Variants in NCAM1 observed in about 807,000 individuals in gnomAD.
The protein encoded by NCAM1 is antigen recognized by monoclonal antibody 5.1H11.
NCAM1 carries 14 observed loss-of-function variants against 109.8 expected under a neutral mutation model. That is an observed-to-expected ratio of 0.13 (90% CI 0.08 to 0.20). The LOEUF is 0.20. Among genes scored for constraint, NCAM1 ranks in the 10% least tolerant of loss-of-function variants. The pLI is 1.00. For synonymous variants in NCAM1, 418 were observed against 442.9 expected (o/e 0.94, Z 0.70); for missense variants, 774 against 1,109.9 (o/e 0.70, Z 4.30).
At chr11:113,220,599 TC>T in intron 8 of NCAM1, among the ~76,000 whole-genome samples, 4 of 130,250 alleles carry the variant, frequency 3.1e-5, no homozygotes, top group African/African-American at 1.3e-4. Context: ...TCTCTCTCTC[TC>T]TCTTTTTTTT....
intron 1 of NCAM1, among the ~76,000 whole-genome samples, chr11:113,191,030 C>T (rs1304878538): frequency 2.0e-5 from 3 of 152,148 alleles, no homozygotes; most frequent in South Asian, 2.1e-4. Flanking sequence ...TTATTATCAA[C>T]GTTTTAATAA....
intron 1 of NCAM1, among the ~76,000 whole-genome samples, chr11:113,000,105 C>T (rs539975809): frequency 1.3e-5 from 2 of 152,172 alleles, no homozygotes; most frequent in Non-Finnish European, 2.9e-5. Flanking sequence ...TTAGCTATGA[C>T]CTCATATATT....
chr11:113,171,633 CAATAAATAAATAAATAAATAAATA>C (rs58639337), intron 1 of NCAM1, among the ~76,000 whole-genome samples: 3 of 149,498 alleles, frequency 2.0e-5, no homozygotes, highest in African/African-American at 2.5e-5. Context: ...GACTTTGTCT[CAATAAATAAATAAATAAATAAATA>C]AATAAATAAA....
At chr11:112,971,390 G>T (rs892319384) in intron 1 of NCAM1, among the ~76,000 whole-genome samples, 1 of 152,044 alleles carries the variant, frequency 6.6e-6, no homozygotes, top group Non-Finnish European at 1.5e-5. Context: ...GAAGCAGTCT[G>T]TAGTGGAGTA....
chr11:113,209,047 T>C lies in NCAM1; in HGVS notation c.916+1045T>C, dbSNP rs188973928. Among the ~76,000 whole-genome samples, 375 of 152,318 alleles carry C rather than the reference T, an allele frequency of 2.5e-3. 10 individuals carry two copies. The highest frequency in any genetic ancestry group is 0.022 in the South Asian group (107 of 4,822). On this transcript the variant is annotated intron_variant, in intron 7 of 19. Coordinates refer to ENST00000316851, the MANE Select transcript of NCAM1 (RefSeq NM_181351.5). ...TTTGACCTGATCTTGAAAAAAGAAT[T>C]GGTTGCAGAGAAACGTTTAACCTAA...
At chr11:113,237,953 T>TATAG (rs1555118630) in intron 14 of NCAM1, among the ~76,000 whole-genome samples, 4 of 90,650 alleles carry the variant, frequency 4.4e-5, no homozygotes, top group Admixed American at 1.1e-4. Context: ...TATATAGATA[T>TATAG]ATAGATAGAT....
At chr11:113,183,232 A>G (rs1943387628) in intron 1 of NCAM1, among the ~76,000 whole-genome samples, 2 of 151,974 alleles carry the variant, frequency 1.3e-5, no homozygotes, top group Non-Finnish European at 2.9e-5. Context: ...TTTTATACTA[A>G]TTCTACAGCT....
At chr11:113,139,015 C>T (rs922254619) in intron 1 of NCAM1, among the ~76,000 whole-genome samples, 9 of 152,210 alleles carry the variant, frequency 5.9e-5, no homozygotes, top group Non-Finnish European at 7.3e-5. Flanking sequence ...TTTGACAGCA[C>T]TTCACCATTG....
At chr11:113,074,758 A>C (rs573694105) in intron 1 of NCAM1, among the ~76,000 whole-genome samples, 1 of 152,014 alleles carries the variant, frequency 6.6e-6, no homozygotes, top group African/African-American at 2.4e-5. Flanking sequence ...CAGCCCCCCA[A>C]ATAGCTGGGA....
intron 1 of NCAM1, among the ~76,000 whole-genome samples, chr11:113,157,382 C>T (rs1942453388): frequency 6.6e-6 from 1 of 152,146 alleles, no homozygotes; most frequent in South Asian, 2.1e-4. Flanking sequence ...ACCAAATAAA[C>T]AACAACTTTT....
In NCAM1 at chr11:113,055,978, GATATATATATATATATATATATAT is replaced by G. The variant is rs58693567; in HGVS notation, c.52+94338_52+94361del. Among the ~76,000 whole-genome samples the G allele has an allele frequency of 2.7e-3, 162 of 60,038 alleles. 3 individuals carry two copies. The Middle Eastern group carries it at 0.032, about 12-fold the overall frequency. The allele number at this position is 60,038 out of a possible 152,430, so 39.4% of individuals were successfully genotyped here. ...GTGGATGAATGGATAAAGAAAATGT[GATATATATATATATATATATATAT>G]ATATATATATATATATATATATAAA... On this transcript the variant is annotated intron_variant, in intron 1 of 19. Transcript: ENST00000316851.
chr11:113,272,474 C>T (rs1555125661), intron 19 of NCAM1, among the ~76,000 whole-genome samples: 1 of 152,132 alleles, frequency 6.6e-6, no homozygotes, highest in Admixed American at 6.5e-5. Context: ...CTGCCTTATT[C>T]GTGACTTTTC....
intron 1 of NCAM1, among the ~76,000 whole-genome samples, chr11:113,004,961 G>C (rs1272262982): frequency 1.3e-5 from 2 of 151,796 alleles, no homozygotes; most frequent in African/African-American, 4.8e-5. Flanking sequence ...TTAATTTGAA[G>C]GGATGTCTTT....
chr11:113,097,170 T>C (rs1295277382), intron 1 of NCAM1, among the ~76,000 whole-genome samples: 3 of 152,196 alleles, frequency 2.0e-5, no homozygotes, highest in Non-Finnish European at 2.9e-5. Context: ...CTTGGCTCAC[T>C]CTGATTCCAA....
chr11:112,987,576 G>A (rs1320124738), intron 1 of NCAM1, among the ~76,000 whole-genome samples: 1 of 152,062 alleles, frequency 6.6e-6, no homozygotes, highest in Non-Finnish European at 1.5e-5. Context: ...CTCTGATGGT[G>A]GGTGCATATA....
intron 1 of NCAM1, among the ~76,000 whole-genome samples, chr11:113,192,025 G>T (rs1239622705): frequency 1.3e-5 from 2 of 152,210 alleles, no homozygotes. Context: ...TAAAACATCT[G>T]CAAACAACAG....
At chr11:112,987,081 GGT>G (rs1951327305) in intron 1 of NCAM1, among the ~76,000 whole-genome samples, 2 of 152,016 alleles carry the variant, frequency 1.3e-5, no homozygotes, top group East Asian at 3.9e-4. Flanking sequence ...TATAAGATTT[GGT>G]AAGTTGTGTT....
At chr11:113,212,795 G>T (rs1213774505) in intron 7 of NCAM1, among the ~76,000 whole-genome samples, 1 of 151,698 alleles carries the variant, frequency 6.6e-6, no homozygotes, top group African/African-American at 2.4e-5. Flanking sequence ...ATGGCACTTG[G>T]CACATATTCC....
At chr11:113,133,340 A>G (rs1366911900) in intron 1 of NCAM1, 6 of 152,050 alleles carry the variant, frequency 3.9e-5, no homozygotes, top group African/African-American at 1.2e-4. Flanking sequence ...ACGTAATCTG[A>G]CTGTTTTCTG....
Sources: gnomAD v4.1 joint callset for allele counts (sites outside exome capture counted in the v4.1 genomes callset) on GRCh38, gnomAD v4.1.1 for gene constraint, MANE v1.5 for transcripts, NCBI Gene and HGNC (gene_info 2026-07-23, HGNC 2026-07-21) for gene names.